The following LTBP1 variants were observed in gnomAD, a reference collection of about 807,000 sequenced individuals.
LTBP1 encodes latent transforming growth factor beta binding protein 1, also known as latent-transforming growth factor beta-binding protein 1.
A neutral mutation model predicts 207.6 loss-of-function variants in LTBP1; 129 were observed. The observed-to-expected ratio is 0.62, with a 90% CI of 0.54 to 0.72. The LOEUF (loss-of-function observed/expected upper bound fraction) is 0.72, where lower values mean the gene tolerates loss of function less well. Ranked by LOEUF, LTBP1 falls within the 30% of genes least tolerant of loss-of-function variation. The pLI, the probability that LTBP1 is intolerant of heterozygous loss-of-function variation, is 0.00. For synonymous variants in LTBP1, 963 were observed against 833.7 expected (o/e 1.16, Z -2.67); for missense variants, 2,281 against 2,217.2 (o/e 1.03, Z -0.58).
chr2:32,951,444 C>G (rs1677086665), intron 2 of LTBP1, among the ~76,000 whole-genome samples: 1 of 152,126 alleles, frequency 6.6e-6, no homozygotes, highest in African/African-American at 2.4e-5. Flanking sequence ...TCTGGGAGAT[C>G]CAGGGAGCTG....
intron 1 of LTBP1, among the ~76,000 whole-genome samples, 166 bp from the exon 2 acceptor site, chr2:32,948,709 T>A (rs1406082960): frequency 6.6e-6 from 1 of 152,210 alleles, no homozygotes; most frequent in Non-Finnish European, 1.5e-5. Flanking sequence ...CTTGCCCCTC[T>A]GCTTGGGCAG....
At chr2:33,397,790 G>A (rs557096226) in intron 33 of LTBP1, among the ~76,000 whole-genome samples, 1 of 151,622 alleles carries the variant, frequency 6.6e-6, no homozygotes, top group African/African-American at 2.4e-5. Flanking sequence ...CCAAAGTGCT[G>A]GGATTACAGG....
intron 20 of LTBP1, among the ~76,000 whole-genome samples, chr2:33,299,191 G>A (rs972036056): frequency 2.0e-5 from 3 of 150,436 alleles, no homozygotes; most frequent in Non-Finnish European, 4.4e-5. Flanking sequence ...GCAGTGAGCC[G>A]AGATAGCGCC....
intron 4 of LTBP1, among the ~76,000 whole-genome samples, chr2:33,122,645 C>A (rs995795478): frequency 1.3e-5 from 2 of 152,176 alleles, no homozygotes; most frequent in African/African-American, 4.8e-5. Flanking sequence ...GTAGCCAATC[C>A]TACCACGTTA....
chr2:33,181,722 T>C (rs994431501), intron 5 of LTBP1, among the ~76,000 whole-genome samples: 3 of 152,240 alleles, frequency 2.0e-5, no homozygotes, highest in African/African-American at 4.8e-5. Context: ...TTCTAAAATA[T>C]ATGCCCCATG....
At chr2:33,118,642 A>C (rs1425045231) in intron 4 of LTBP1, among the ~76,000 whole-genome samples, 1 of 152,260 alleles carries the variant, frequency 6.6e-6, no homozygotes, top group Non-Finnish European at 1.5e-5. Flanking sequence ...CTGAGAAGGC[A>C]TTCTGGTGAA....
At chr2:33,385,504 A>T (rs767647206) in intron 31 of LTBP1, among the ~76,000 whole-genome samples, 6 of 152,250 alleles carry the variant, frequency 3.9e-5, no homozygotes, top group Non-Finnish European at 8.8e-5. Context: ...TCAAATTTTT[A>T]AAATAGTTTC....
intron 2 of LTBP1, among the ~76,000 whole-genome samples, chr2:32,980,302 A>AT (rs1231784405): frequency 1.3e-5 from 2 of 151,688 alleles, no homozygotes; most frequent in African/African-American, 2.4e-5. Flanking sequence ...CTCACTTTTT[A>AT]TTTTTTGTGT....
chr2:33,375,789 G>A (rs1420520762), intron 31 of LTBP1, among the ~76,000 whole-genome samples: 5 of 149,082 alleles, frequency 3.4e-5, no homozygotes, highest in Admixed American at 2.7e-4. Flanking sequence ...TGATCTGCCC[G>A]CCTCGGCCTC....
At chr2:33,107,234 A>G (rs1047716934) in intron 3 of LTBP1, among the ~76,000 whole-genome samples, 2 of 152,234 alleles carry the variant, frequency 1.3e-5, no homozygotes, top group Non-Finnish European at 2.9e-5. Flanking sequence ...ACACAGACAT[A>G]TATGTAGATA....
intron 2 of LTBP1, among the ~76,000 whole-genome samples, chr2:32,958,599 T>C (rs1450264374): frequency 6.6e-6 from 1 of 152,238 alleles, no homozygotes; most frequent in Non-Finnish European, 1.5e-5. Flanking sequence ...ACAGTACAAA[T>C]GCTACCTAGG....
intron 25 of LTBP1, 72 bp from the exon 26 acceptor site, chr2:33,347,295 G>C: frequency 6.4e-7 from 1 of 1,568,964 alleles, no homozygotes; most frequent in Admixed American, 1.7e-5. Flanking sequence ...ATTAGCCCTG[G>C]CACAGCTGGT....
chr2:33,298,489 G>T (rs2093923177), intron 20 of LTBP1, among the ~76,000 whole-genome samples: 1 of 152,212 alleles, frequency 6.6e-6, no homozygotes, highest in Non-Finnish European at 1.5e-5. Flanking sequence ...AATGTTGTCA[G>T]ATGTTATGTG....
intron 3 of LTBP1, among the ~76,000 whole-genome samples, chr2:33,051,597 C>T (rs1425653826): frequency 9.2e-5 from 14 of 152,100 alleles, no homozygotes; most frequent in Admixed American, 8.5e-4. Context: ...TGCATGGCCC[C>T]GGAGTGCCAT....
chr2:32,987,127 G>A (rs1171429246), intron 2 of LTBP1, among the ~76,000 whole-genome samples: 1 of 152,256 alleles, frequency 6.6e-6, no homozygotes, highest in Non-Finnish European at 1.5e-5. Flanking sequence ...ATCAGCTATA[G>A]CTGGGGAGGT....
At chr2:33,056,346 GC>G (rs1303532870) in intron 3 of LTBP1, 5 of 1,240,130 alleles carry the variant, frequency 4.0e-6, no homozygotes, top group Admixed American at 5.9e-5. Flanking sequence ...TTTGCTTTTG[GC>G]TTTGTGGCTT....
chr2:33,331,812 C>T (rs2094497278), intron 24 of LTBP1, among the ~76,000 whole-genome samples: 2 of 152,154 alleles, frequency 1.3e-5, no homozygotes, highest in South Asian at 4.1e-4. Flanking sequence ...TAAGAAAACT[C>T]GGCTAGATTA....
chr2:33,159,980 C>T (rs1436347439), intron 5 of LTBP1, among the ~76,000 whole-genome samples: 2 of 152,020 alleles, frequency 1.3e-5, no homozygotes, highest in Non-Finnish European at 2.9e-5. Flanking sequence ...CTCCCGGGCT[C>T]AAGCAATTTT....
At chr2:32,952,975 G>A (rs1195355883) in intron 2 of LTBP1, among the ~76,000 whole-genome samples, 1 of 152,206 alleles carries the variant, frequency 6.6e-6, no homozygotes, top group African/African-American at 2.4e-5. Flanking sequence ...CAGGTTCTAT[G>A]AATAGAGGAG....
Sources: allele counts gnomAD v4.1 joint callset (sites outside exome capture counted in the v4.1 genomes callset), GRCh38; gene constraint gnomAD v4.1.1; transcripts MANE v1.5; gene names NCBI Gene and HGNC (gene_info 2026-07-23, HGNC 2026-07-21).